IL20RA: variants seen among roughly 807,000 people sequenced by gnomAD.
The protein encoded by IL20RA is interleukin 20 receptor subunit alpha, also known as interleukin-20 receptor subunit alpha.
Under a neutral mutation model 36.5 loss-of-function variants are expected in IL20RA, and 29 were observed. The observed-to-expected ratio is 0.79, with a 90% CI of 0.59 to 1.08. IL20RA has a LOEUF of 1.08. Ranked by LOEUF, IL20RA falls within the 50% of genes least tolerant of loss-of-function variation. The pLI is 0.00. For synonymous variants in IL20RA, 279 were observed against 267.1 expected (o/e 1.04, Z -0.43); for missense variants, 652 against 668.4 (o/e 0.98, Z 0.27).
At chr6:137,007,213 A>G (rs1320030739) in intron 5 of IL20RA, among the ~76,000 whole-genome samples, 1 of 152,234 alleles carries the variant, frequency 6.6e-6, no homozygotes, top group Non-Finnish European at 1.5e-5. Flanking sequence ...GATTTCTTCA[A>G]TATGCTTTGT....
chr6:137,012,963 G>T (rs1021686096), intron 2 of IL20RA, among the ~76,000 whole-genome samples: 2 of 151,806 alleles, frequency 1.3e-5, no homozygotes, highest in African/African-American at 4.8e-5. Context: ...GTTACTTAAG[G>T]GCTTTCAATT....
chr6:137,001,661 C>T lies in IL20RA; in HGVS notation c.1559G>A (p.Arg520Lys). 6 of 1,614,096 alleles carry T rather than the reference C, an allele frequency of 3.7e-6. No individual in the cohort carries two copies. Among genetic ancestry groups the T allele is most frequent in the Non-Finnish European group, 5.1e-6 (6 of 1,179,998 alleles). Residue 520 changes from arginine to lysine, a missense_variant, in exon 7 of 7, where the codon AGA becomes AAA. Physicochemically the swap from Arg to Lys is conservative, Grantham distance 26. Transcript: ENST00000316649. ...GTCTGGAGCCGGCTCCTCATAGAGTCTAGATAGAAGACCCTCCTCTCCGAG... is the reference window on the plus strand; with the variant it reads ...GTCTGGAGCCGGCTCCTCATAGAGTTTAGATAGAAGACCCTCCTCTCCGAG... The part of the protein sequence containing the change: ...DGLGEEGLLS[R>K]LYEEPAPDRP...
At chr6:137,037,244 T>C (rs1181710674) in intron 1 of IL20RA, among the ~76,000 whole-genome samples, 1 of 152,178 alleles carries the variant, frequency 6.6e-6, no homozygotes, top group African/African-American at 2.4e-5. Context: ...CAGTGGATAG[T>C]GATTGAAGTA....
rs565514532 is a variant in IL20RA, at chr6:137,024,174, C to T, written c.89-7071G>A. On this transcript the variant is annotated intron_variant, in intron 1 of 6. Transcript: ENST00000316649. Reference sequence around the variant, plus strand: ...AAATAGTACATTTAAAAAAGAAATACGATTTGATAACTAGTATTCTCTTTA... The same window carrying T: ...AAATAGTACATTTAAAAAAGAAATATGATTTGATAACTAGTATTCTCTTTA... Among the ~76,000 whole-genome samples the T allele has an allele frequency of 5.5e-4, 84 of 152,138 alleles. 1 individual carries two copies. The highest frequency in any genetic ancestry group is 1.9e-3 in the South Asian group (9 of 4,810).
chr6:137,036,392 A>C (rs1231114070), intron 1 of IL20RA, among the ~76,000 whole-genome samples: 3 of 152,210 alleles, frequency 2.0e-5, no homozygotes, highest in African/African-American at 7.2e-5. Context: ...ATGGGATCTC[A>C]TTCAGAAATA....
chr6:137,015,959 T>C (rs381783), intron 2 of IL20RA, among the ~76,000 whole-genome samples: 123,891 of 152,198 alleles, frequency 0.81, 56,175 homozygotes, highest in East Asian at 1. Flanking sequence ...GTCCGGCCAA[T>C]GCTCTCCATA....
intron 1 of IL20RA, among the ~76,000 whole-genome samples, chr6:137,029,089 T>C (rs1331169963): frequency 6.6e-6 from 1 of 152,228 alleles, no homozygotes; most frequent in East Asian, 1.9e-4. Flanking sequence ...GTGAGATTTT[T>C]GTGTGTAGCC....
At chr6:137,043,796 AT>A (rs1281711432) in intron 1 of IL20RA, among the ~76,000 whole-genome samples, 6 of 152,150 alleles carry the variant, frequency 3.9e-5, no homozygotes, top group Non-Finnish European at 8.8e-5. Context: ...TTTTAAAATA[AT>A]TTTTTTAAAA....
intron 1 of IL20RA, among the ~76,000 whole-genome samples, chr6:137,040,580 C>A (rs1283506361): frequency 3.3e-5 from 5 of 152,052 alleles, no homozygotes; most frequent in Admixed American, 6.5e-5. Flanking sequence ...ACACAGGAGC[C>A]AAACTGAAGG....
rs192413220 is a variant in IL20RA at position 137,038,897 on chromosome 6, C to A, written c.88+5744G>T. 6.9e-4 allele frequency among the ~76,000 whole-genome samples: 105 copies of A among 151,958 alleles called. No individual in the cohort carries two copies. In the East Asian group the frequency reaches 8.1e-3, roughly 12 times the overall value. On this transcript the variant is annotated intron_variant, in intron 1 of 6. Transcript: ENST00000316649. Reference sequence around the variant, plus strand: ...AATCATTTTGTGAAAAATACTATGCCAAGCACTAAAAAAGGCAACATAGAG... The same window carrying A: ...AATCATTTTGTGAAAAATACTATGCAAAGCACTAAAAAAGGCAACATAGAG...
chr6:137,008,902 T>C (rs1039913604), intron 4 of IL20RA, 159 bp from the exon 5 acceptor site: 4 of 378,024 alleles, frequency 1.1e-5, no homozygotes, highest in African/African-American at 4.7e-5. Flanking sequence ...ACAGTTTCAA[T>C]ATACTCTTTT....
chr6:137,034,277 A>G (rs147319381), intron 1 of IL20RA, among the ~76,000 whole-genome samples: 374 of 152,330 alleles, frequency 2.5e-3, no homozygotes, highest in Non-Finnish European at 4.1e-3. Context: ...TAAGAAAGAA[A>G]TGTATGTGAA....
Position 137,004,159 on chromosome 6 carries a change from CTTTTTTTTTTTTTTTT to C in IL20RA, c.864+446_864+461del, listed in dbSNP as rs140038413. 2.4e-4 allele frequency among the ~76,000 whole-genome samples: 21 copies of C among 88,006 alleles called. 1 individual carries two copies. The Admixed American group carries it at 2.6e-3, about 11-fold the overall frequency. 57.7% of individuals were successfully genotyped at this position (88,006 alleles called of 152,430 possible). On this transcript the variant is annotated intron_variant, in intron 6 of 6. Transcript: ENST00000316649. ...TCTGTTAGTCAGCTAATCCAGAAAG[CTTTTTTTTTTTTTTTT>C]TTTTTTTTTTGAGACAGAGCCTCAG...
chr6:137,020,220 G>A (rs528581646), intron 1 of IL20RA, among the ~76,000 whole-genome samples: 8 of 152,240 alleles, frequency 5.3e-5, no homozygotes, highest in Non-Finnish European at 7.4e-5. Flanking sequence ...CAAGAGGAAC[G>A]TTAGTGATCT....
Position 137,044,853 on chromosome 6 carries a change from A to C in IL20RA, c.-125T>G. Reference sequence around the variant, plus strand: ...GGCTCTGCGTGCCACGCTCCAGGCGACCTGAGTCCCAGGGCGCCTCCGCCA... The same window carrying C: ...GGCTCTGCGTGCCACGCTCCAGGCGCCCTGAGTCCCAGGGCGCCTCCGCCA... On this transcript the variant is annotated 5_prime_UTR_variant, in exon 1 of 7. Coordinates refer to ENST00000316649, the MANE Select transcript of IL20RA (RefSeq NM_014432.4). 5.5e-6 allele frequency: 5 copies of C among 916,874 alleles called. No homozygotes were observed. Among genetic ancestry groups the C allele is most frequent in the Non-Finnish European group, 7.0e-6 (5 of 713,024 alleles). The allele number at this position is 916,874 out of a possible 1,614,324, so 56.8% of individuals were successfully genotyped here. A position where few individuals can be genotyped will look rare whatever the true frequency, so the allele number is the denominator to read the frequency against.
At chr6:137,013,484 G>A (rs1775566335) in intron 2 of IL20RA, among the ~76,000 whole-genome samples, 1 of 152,106 alleles carries the variant, frequency 6.6e-6, no homozygotes, top group Non-Finnish European at 1.5e-5. Flanking sequence ...AACAACCCTA[G>A]GGGGTAGGTA....
intron 1 of IL20RA, among the ~76,000 whole-genome samples, chr6:137,036,966 G>T (rs1218578860): frequency 1.3e-5 from 2 of 152,210 alleles, no homozygotes; most frequent in East Asian, 3.8e-4. Flanking sequence ...TGCAAAGTTG[G>T]TAAGGAGGAA....
intron 1 of IL20RA, among the ~76,000 whole-genome samples, chr6:137,024,877 G>A (rs1248454950): frequency 1.3e-5 from 2 of 152,208 alleles, no homozygotes; most frequent in African/African-American, 4.8e-5. Context: ...GATCTTTCCA[G>A]AGGAAGCAGA....
intron 1 of IL20RA, among the ~76,000 whole-genome samples, chr6:137,029,925 A>C (rs993264375): frequency 1.2e-5 from 1 of 83,192 alleles, no homozygotes; most frequent in East Asian, 4.2e-4. Flanking sequence ...GTGCAAGAAA[A>C]AAATAATAGA....
Sources: gnomAD v4.1 joint callset for allele counts (sites outside exome capture counted in the v4.1 genomes callset) on GRCh38, gnomAD v4.1.1 for gene constraint, MANE v1.5 for transcripts, NCBI Gene and HGNC (gene_info 2026-07-23, HGNC 2026-07-21) for gene names.